Variants in SV2C observed in about 807,000 individuals in gnomAD.
SV2C encodes synaptic vesicle glycoprotein 2C, also known as solute carrier family 22 member B3.
Under a neutral mutation model 79.7 loss-of-function variants are expected in SV2C, and 49 were observed. The observed-to-expected ratio is 0.61, with a 90% CI of 0.49 to 0.78. SV2C has a LOEUF of 0.78. Among genes scored for constraint, SV2C ranks in the 30% least tolerant of loss-of-function variants. SV2C has a pLI of 0.00. For synonymous variants in SV2C, 334 were observed against 333.2 expected, an observed-to-expected ratio of 1.00 and a Z score of -0.03; for missense variants, 833 against 912.9, an observed-to-expected ratio of 0.91 and a Z score of 1.13.
intron 12 of SV2C, among the ~76,000 whole-genome samples, chr5:76,342,872 G>GTC (rs200268563): frequency 1.6e-3 from 245 of 148,724 alleles, no homozygotes; most frequent in African/African-American, 5.5e-3. Flanking sequence ...AGAACACATT[G>GTC]TCTCTCTCTC....
At chr5:76,031,805 C>G in the SV2C span, among the ~76,000 whole-genome samples, 1 of 152,126 alleles carries the variant, frequency 6.6e-6, no homozygotes, top group South Asian at 2.1e-4. Context: ...TTTCTGCTAT[C>G]GCTATATTAT....
chr5:76,260,966 C>A (rs1355451953), intron 4 of SV2C, among the ~76,000 whole-genome samples: 3 of 150,424 alleles, frequency 2.0e-5, no homozygotes, highest in Non-Finnish European at 4.4e-5. Context: ...TAGTTTTTTT[C>A]TAGTTATGTG....
At chr5:75,903,875 C>G in the SV2C span, among the ~76,000 whole-genome samples, 1 of 152,202 alleles carries the variant, frequency 6.6e-6, no homozygotes, top group Non-Finnish European at 1.5e-5. Flanking sequence ...GCAGAATTAT[C>G]AACTTTATCT....
the SV2C span, among the ~76,000 whole-genome samples, chr5:75,945,236 T>C: frequency 2.6e-5 from 4 of 152,072 alleles, no homozygotes; most frequent in African/African-American, 9.7e-5. Context: ...TCTGAAGACC[T>C]GAACAAGACA....
At chr5:75,891,434 A>G in the SV2C span, among the ~76,000 whole-genome samples, 1 of 152,120 alleles carries the variant, frequency 6.6e-6, no homozygotes, top group African/African-American at 2.4e-5. Flanking sequence ...TATTTGAGGA[A>G]AGGGCTTAAT....
chr5:76,280,691 G>C (rs1334886048), intron 4 of SV2C, among the ~76,000 whole-genome samples: 2 of 152,188 alleles, frequency 1.3e-5, no homozygotes, highest in Non-Finnish European at 2.9e-5. Context: ...CTTTCCCCGG[G>C]GGGTGCCTGG....
chr5:76,161,374 G>C (rs1262579741), intron 2 of SV2C, among the ~76,000 whole-genome samples: 2 of 152,148 alleles, frequency 1.3e-5, no homozygotes, highest in East Asian at 3.9e-4. Context: ...CGGTGGATGA[G>C]AGGATGGGAT....
At chr5:75,918,586 C>T in the SV2C span, among the ~76,000 whole-genome samples, 1 of 152,234 alleles carries the variant, frequency 6.6e-6, no homozygotes, top group Non-Finnish European at 1.5e-5. Context: ...ATGGCCCATG[C>T]CGCTTGTGTG....
chr5:75,961,764 T>C, the SV2C span, among the ~76,000 whole-genome samples: 3 of 151,988 alleles, frequency 2.0e-5, no homozygotes, highest in Non-Finnish European at 4.4e-5. Context: ...TATATGCAAA[T>C]GTGAAATAAA....
intron 1 of SV2C, among the ~76,000 whole-genome samples, chr5:76,090,283 G>A (rs1747331854): frequency 6.6e-6 from 1 of 152,160 alleles, no homozygotes. Flanking sequence ...GTGAGTGTGG[G>A]GTCCCATGTT....
chr5:76,000,732 A>G, the SV2C span, among the ~76,000 whole-genome samples: 73 of 152,320 alleles, frequency 4.8e-4, no homozygotes, highest in African/African-American at 1.7e-3. Context: ...TCCTTGCTTG[A>G]TGGGGGAGCT....
the SV2C span, among the ~76,000 whole-genome samples, chr5:75,906,662 C>G: frequency 6.6e-6 from 1 of 152,172 alleles, no homozygotes; most frequent in African/African-American, 2.4e-5. Flanking sequence ...AGCTTTCTTT[C>G]TCTTTTTCTG....
intron 4 of SV2C, among the ~76,000 whole-genome samples, chr5:76,276,895 C>T (rs1249919673): frequency 6.6e-6 from 1 of 152,010 alleles, no homozygotes; most frequent in Non-Finnish European, 1.5e-5. Flanking sequence ...CTGCCTTTTT[C>T]AATGGATTAT....
chr5:75,877,165 T>C, the SV2C span, among the ~76,000 whole-genome samples: 4 of 152,056 alleles, frequency 2.6e-5, no homozygotes, highest in Admixed American at 2.0e-4. Flanking sequence ...TCAGACAAAA[T>C]AGACTTTTAA....
the SV2C span, among the ~76,000 whole-genome samples, chr5:76,037,030 A>G: frequency 6.6e-6 from 1 of 152,102 alleles, no homozygotes; most frequent in Admixed American, 6.5e-5. Flanking sequence ...CTTCCAGTTG[A>G]TCGCATCAGC....
the SV2C span, among the ~76,000 whole-genome samples, chr5:75,869,162 A>G: frequency 6.6e-6 from 1 of 151,384 alleles, no homozygotes; most frequent in Non-Finnish European, 1.5e-5. Context: ...GGGGTCTTGC[A>G]CTTTAGGTAC....
intron 1 of SV2C, among the ~76,000 whole-genome samples, chr5:76,130,522 A>G (rs1410932133): frequency 6.6e-6 from 1 of 152,216 alleles, no homozygotes; most frequent in Non-Finnish European, 1.5e-5. Context: ...GAATGCTGCC[A>G]TAGCTTAAGG....
At chr5:76,179,355 A>G (rs1050206218) in intron 2 of SV2C, among the ~76,000 whole-genome samples, 121 of 152,358 alleles carry the variant, frequency 7.9e-4, no homozygotes, top group African/African-American at 2.9e-3. Flanking sequence ...GTTTCAGAGC[A>G]GAAAACAAAA....
the SV2C span, among the ~76,000 whole-genome samples, chr5:75,913,301 C>T: frequency 1.3e-5 from 2 of 152,122 alleles, no homozygotes; most frequent in East Asian, 1.9e-4. Flanking sequence ...AGATATGGAC[C>T]ACACTTGAAA....
Sources: allele counts gnomAD v4.1 joint callset (sites outside exome capture counted in the v4.1 genomes callset), GRCh38; gene constraint gnomAD v4.1.1; transcripts MANE v1.5; gene names NCBI Gene and HGNC (gene_info 2026-07-23, HGNC 2026-07-21).